CNGA3: variants seen among roughly 807,000 people sequenced by gnomAD.
The protein encoded by CNGA3 is cyclic nucleotide-gated channel alpha-3.
Under a neutral mutation model 46.6 loss-of-function variants are expected in CNGA3, and 42 were observed. The ratio of observed to expected loss-of-function variants is 0.90; its 90% CI spans 0.70 to 1.17. CNGA3 has a LOEUF of 1.17. CNGA3 is among the 50% of genes most tolerant of loss of function. The pLI is 0.00. For synonymous variants in CNGA3, 394 were observed against 369.4 expected, an observed-to-expected ratio of 1.07 and a Z score of -0.76; for missense variants, 893 against 890.7, an observed-to-expected ratio of 1.00 and a Z score of -0.03.
chr2:98,395,908 C>T lies in CNGA3; in HGVS notation c.738C>T (p.Thr246=). The change falls in exon 8 of 8, where the codon ACC becomes ACT. Residue 246 remains threonine (T), a synonymous_variant. Transcript: ENST00000272602. The part of the protein sequence containing the change: ...TNRLWQHYKT[T]TQFKLDVLSL... ...GGCTGTGGCAGCATTACAAGACGACCACGCAGTTCAAGCTGGATGTGTTGT... is the reference window on the plus strand; with the variant it reads ...GGCTGTGGCAGCATTACAAGACGACTACGCAGTTCAAGCTGGATGTGTTGT... 1.2e-6 allele frequency: 2 copies of T among 1,614,180 alleles called. No individual in the cohort carries two copies. The highest frequency in any genetic ancestry group is 1.7e-6 in the Non-Finnish European group (2 of 1,180,040).
intron 1 of CNGA3, among the ~76,000 whole-genome samples, chr2:98,352,838 AC>A (rs1478291550): frequency 2.6e-5 from 4 of 152,296 alleles, no homozygotes; most frequent in Admixed American, 6.5e-5. Flanking sequence ...CTGGTCTCCA[AC>A]TTACAGACAG....
intron 3 of CNGA3, chr2:98,378,053 C>T (rs769721857): frequency 1.3e-6 from 2 of 1,549,628 alleles, no homozygotes; most frequent in Non-Finnish European, 1.7e-6. Flanking sequence ...GAGGTACTTG[C>T]TCAGGTTTGG....
intron 5 of CNGA3, among the ~76,000 whole-genome samples, chr2:98,383,765 G>A (rs1692587542): frequency 1.3e-5 from 2 of 152,168 alleles, no homozygotes; most frequent in South Asian, 2.1e-4. Context: ...GTGCAGAACC[G>A]GAGTTCCTTG....
At chr2:98,358,067 G>A (rs918577984) in intron 1 of CNGA3, among the ~76,000 whole-genome samples, 1 of 152,228 alleles carries the variant, frequency 6.6e-6, no homozygotes, top group Admixed American at 6.5e-5. Context: ...TGGCTAGATG[G>A]CAGCTTTCAT....
At chr2:98,352,337 C>T (rs2106070504) in intron 1 of CNGA3, among the ~76,000 whole-genome samples, 1 of 152,282 alleles carries the variant, frequency 6.6e-6, no homozygotes, top group East Asian at 1.9e-4. Flanking sequence ...AATAATGCTG[C>T]TATGAACATT....
At chr2:98,390,579 A>G (rs1018021416) in intron 6 of CNGA3, among the ~76,000 whole-genome samples, 1 of 152,162 alleles carries the variant, frequency 6.6e-6, no homozygotes. Flanking sequence ...GCAGGCCTCC[A>G]GGGTGGGGCC....
At chr2:98,395,811 G>A (rs765354459) in intron 7 of CNGA3, 33 bp from the exon 8 acceptor site, 31 of 1,605,498 alleles carry the variant, frequency 1.9e-5, no homozygotes, top group Non-Finnish European at 2.5e-5. Flanking sequence ...GTCAGCCTCT[G>A]TGATGCCCAA....
In CNGA3 at chr2:98,395,826, C is replaced by T; in HGVS notation, c.674-18C>T. ...GTCAGCCTCTGTGATGCCCAATGAC[C>T]TCCATCTTCTTCTTTAGGTTTTCTC... On this transcript the variant is annotated intron_variant, in intron 7 of 7. Transcript: ENST00000272602. 2.5e-6 allele frequency: 4 copies of T among 1,612,762 alleles called. No homozygotes were observed. The highest frequency in any genetic ancestry group is 2.5e-6 in the Non-Finnish European group (3 of 1,178,888).
At chr2:98,357,506 A>T (rs1269874193) in intron 1 of CNGA3, among the ~76,000 whole-genome samples, 1 of 152,172 alleles carries the variant, frequency 6.6e-6, no homozygotes, top group Non-Finnish European at 1.5e-5. Flanking sequence ...CACCATTTGC[A>T]CTACCTTACC....
At chr2:98,360,804 C>T (rs1023106446) in intron 1 of CNGA3, among the ~76,000 whole-genome samples, 9 of 152,132 alleles carry the variant, frequency 5.9e-5, no homozygotes, top group Non-Finnish European at 1.2e-4. Context: ...TGGAAAGTTA[C>T]ATAACCTGTT....
intron 1 of CNGA3, among the ~76,000 whole-genome samples, chr2:98,364,030 C>A (rs1019593383): frequency 6.6e-6 from 1 of 151,522 alleles, no homozygotes; most frequent in Admixed American, 6.6e-5. Flanking sequence ...TGAATTGATA[C>A]TTTTACCATT....
Position 98,369,959 on chromosome 2 carries a change from T to C in CNGA3, c.-17T>C, listed in dbSNP as rs1692247436. ...TTTAGCAATCATCTGGGGGGCTAAA[T>C]GTGACAAACCGAGAAGATGGCCAAG... On this transcript the variant is annotated 5_prime_UTR_variant, in exon 2 of 8. An upstream start codon of the reference 5' UTR is lost. Transcript: ENST00000272602. 6.2e-7 allele frequency: 1 copy of C among 1,606,524 alleles called. No individual in the cohort carries two copies. Among genetic ancestry groups the C allele is most frequent in the African/African-American group, 1.3e-5 (1 of 74,900 alleles).
intron 5 of CNGA3, 120 bp downstream of exon 5, chr2:98,383,561 A>C (rs1057223116): frequency 1.2e-5 from 11 of 930,172 alleles, no homozygotes; most frequent in Middle Eastern, 2.1e-4. Flanking sequence ...CACCAGTAGA[A>C]TATTTTAGAA....
At position 98,396,061 on chromosome 2, in the gene CNGA3, C is replaced by T. The variant is rs1412056378; in HGVS notation, c.891C>T (p.Tyr297=). The part of the protein sequence containing the change: ...FFDRTETRTN[Y]PNMFRIGNLV... ...ACCGCACAGAGACAAGGACCAACTA[C>T]CCCAATATGTTCAGGATTGGGAACT... The change falls in exon 8 of 8, where the codon TAC becomes TAT. Residue 297 remains tyrosine (Y), a synonymous_variant. Coordinates refer to ENST00000272602, the MANE Select transcript of CNGA3 (RefSeq NM_001298.3). 6.2e-7 allele frequency: 1 copy of T among 1,614,208 alleles called. No homozygotes were observed. The highest frequency in any genetic ancestry group is 1.3e-5 in the African/African-American group (1 of 75,046).
chr2:98,347,686 A>C (rs113346219), intron 1 of CNGA3, among the ~76,000 whole-genome samples: 5 of 152,184 alleles, frequency 3.3e-5, no homozygotes, highest in African/African-American at 1.2e-4. Flanking sequence ...TGGCGGGAGC[A>C]GTCCCTTGCA....
chr2:98,377,862 T>C (rs1692444633), intron 3 of CNGA3, 62 bp downstream of exon 3: 9 of 1,483,538 alleles, frequency 6.1e-6, no homozygotes, highest in Non-Finnish European at 8.3e-6. Flanking sequence ...AAGAAGGTAG[T>C]GACCTCTCAG....
chr2:98,391,922 T>A lies in CNGA3; in HGVS notation c.625T>A (p.Ser209Thr). 6.2e-7 allele frequency: 1 copy of A among 1,614,196 alleles called. No individual in the cohort carries two copies. Among genetic ancestry groups the A allele is most frequent in the South Asian group, 1.1e-5 (1 of 91,090 alleles). Reference protein sequence around the residue: ...YLMLWLVLDYSADVLYVLDVL... With the variant: ...YLMLWLVLDYTADVLYVLDVL... Reference sequence around the variant, plus strand: ...GATGCTGTGGCTGGTCCTGGACTACTCGGCAGATGTCCTGTATGTCTTGGA... The same window carrying A: ...GATGCTGTGGCTGGTCCTGGACTACACGGCAGATGTCCTGTATGTCTTGGA... Residue 209 changes from serine (S) to threonine (T), a missense_variant, in exon 7 of 8, where the codon TCG (serine) becomes ACG (threonine). Transcript: ENST00000272602.
chr2:98,392,926 A>G (rs1473492921), intron 7 of CNGA3, among the ~76,000 whole-genome samples: 1 of 152,204 alleles, frequency 6.6e-6, no homozygotes, highest in Non-Finnish European at 1.5e-5. Flanking sequence ...CTGCACAAAG[A>G]CATTGCCTAA....
Position 98,362,173 on chromosome 2 carries a change from C to CTTTT in CNGA3, c.-37-7746_-37-7743dup, listed in dbSNP as rs1231791527. Among the ~76,000 whole-genome samples the CTTTT allele has an allele frequency of 6.0e-4, 54 of 89,828 alleles. 1 individual carries two copies. Among genetic ancestry groups the CTTTT allele is most frequent in the Non-Finnish European group, 8.6e-4 (38 of 44,402 alleles). The allele number at this position is 89,828 out of a possible 152,430, so 58.9% of individuals were successfully genotyped here. On this transcript the variant is annotated intron_variant, in intron 1 of 7. Coordinates refer to ENST00000272602, the MANE Select transcript of CNGA3 (RefSeq NM_001298.3). ...AGTGTCTTTTCATGTCCTTTGCCCACTTTTTTTTTTTTTTTTTTTTTTTGA... is the reference window on the plus strand; with the variant it reads ...AGTGTCTTTTCATGTCCTTTGCCCACTTTTTTTTTTTTTTTTTTTTTTTTTTTGA...
Sources: gnomAD v4.1 joint callset for allele counts (sites outside exome capture counted in the v4.1 genomes callset) on GRCh38, gnomAD v4.1.1 for gene constraint, MANE v1.5 for transcripts, NCBI Gene and HGNC (gene_info 2026-07-23, HGNC 2026-07-21) for gene names.